SLC23A2: variants seen among roughly 807,000 people sequenced by gnomAD.
The protein encoded by SLC23A2 is solute carrier family 23 member 2.
In SLC23A2, 36 loss-of-function variants were observed where a neutral mutation model predicts 73.3. The ratio of observed to expected loss-of-function variants is 0.49; its 90% CI spans 0.38 to 0.65. SLC23A2 has a LOEUF of 0.65. SLC23A2 is among the 30% of genes least tolerant of loss of function. The pLI, the probability that SLC23A2 is intolerant of heterozygous loss-of-function variation, is 0.00. For missense variants in SLC23A2, 507 were observed against 841.6 expected (o/e 0.60, Z 4.92); for synonymous variants, 343 against 327.3 (o/e 1.05, Z -0.52).
chr20:4,985,802 A>C (rs2087816292), intron 1 of SLC23A2, among the ~76,000 whole-genome samples: 1 of 152,158 alleles, frequency 6.6e-6, no homozygotes, highest in African/African-American at 2.4e-5. Flanking sequence ...CATCTATAGA[A>C]ACAGACTGCG....
chr20:4,896,489 C>T (rs1931527877), intron 6 of SLC23A2, among the ~76,000 whole-genome samples: 1 of 152,178 alleles, frequency 6.6e-6, no homozygotes, highest in African/African-American at 2.4e-5. Context: ...CTCCCCTCCC[C>T]CATCCCAAAG....
At position 4,868,143 on chromosome 20, in the gene SLC23A2, G is replaced by C. The variant is rs1216212163; in HGVS notation, c.1251-268C>G. On this transcript the variant is annotated intron_variant, in intron 12 of 16. Coordinates refer to ENST00000338244, the MANE Select transcript of SLC23A2 (RefSeq NM_005116.6). The surrounding 1 kb of genome is among the most constrained non-coding windows in gnomAD (Gnocchi z 4.4). ...CACCTAGGCTGGAATGCAGTGACGC[G>C]ATCTTGGCTCACTGCAACCTCCACC... 7.0e-6 allele frequency among the ~76,000 whole-genome samples: 1 copy of C among 142,354 alleles called. No individual in the cohort carries two copies. Among genetic ancestry groups the C allele is most frequent in the Non-Finnish European group, 1.5e-5 (1 of 67,026 alleles). The allele number at this position is 142,354 out of a possible 152,430, so 93.4% of individuals were successfully genotyped here. A position where few individuals can be genotyped will look rare whatever the true frequency, so the allele number is the denominator to read the frequency against.
intron 2 of SLC23A2, among the ~76,000 whole-genome samples, chr20:4,942,784 T>G (rs2087063072): frequency 6.6e-6 from 1 of 152,170 alleles, no homozygotes; most frequent in African/African-American, 2.4e-5. Flanking sequence ...CCTTCTGTGT[T>G]TCTCGAAAGA....
intron 1 of SLC23A2, among the ~76,000 whole-genome samples, chr20:4,981,404 A>T (rs1468107779): frequency 6.6e-6 from 1 of 152,134 alleles, no homozygotes; most frequent in Non-Finnish European, 1.5e-5. Context: ...TAAATATCTG[A>T]ATTTTAGTTT....
In SLC23A2 at chr20:4,959,036, C is replaced by T. The variant is rs1328506619; in HGVS notation, c.-155+11757G>A. The stretch of plus-strand genomic sequence containing the variant: ...GATCAGCCTGACCAACACAGAGAAA[C>T]CCGTCTCTACTAAAAATACAAAAAA... On this transcript the variant is annotated intron_variant, in intron 2 of 16. Coordinates refer to ENST00000338244, the MANE Select transcript of SLC23A2 (RefSeq NM_005116.6). Among the ~76,000 whole-genome samples, 6 of 151,236 alleles carry T rather than the reference C, an allele frequency of 4.0e-5. No individual in the cohort carries two copies. In the East Asian group the frequency reaches 1.2e-3, roughly 29 times the overall value.
intron 3 of SLC23A2, among the ~76,000 whole-genome samples, chr20:4,918,490 C>G (rs1447824718): frequency 6.6e-6 from 1 of 152,112 alleles, no homozygotes; most frequent in Non-Finnish European, 1.5e-5. Flanking sequence ...TTACACTTGT[C>G]TTTTTGCTTG....
At chr20:4,919,700 T>A (rs114488067) in intron 3 of SLC23A2, among the ~76,000 whole-genome samples, 1 of 152,194 alleles carries the variant, frequency 6.6e-6, no homozygotes, top group Non-Finnish European at 1.5e-5. Context: ...CTGGGGATCC[T>A]GTCCCCAGAT....
At chr20:4,900,521 A>G (rs1931704992) in intron 5 of SLC23A2, among the ~76,000 whole-genome samples, 1 of 152,212 alleles carries the variant, frequency 6.6e-6, no homozygotes, top group Admixed American at 6.5e-5. Flanking sequence ...TTCTAGGTTA[A>G]TTAGTCTATT....
chr20:5,003,025 G>C (rs2088148112), upstream of SLC23A2, among the ~76,000 whole-genome samples: 1 of 152,228 alleles, frequency 6.6e-6, no homozygotes, highest in African/African-American at 2.4e-5. Flanking sequence ...GGAAAAGAAA[G>C]TGTTGGATTG....
At chr20:4,893,493 A>C (rs1931406679) in intron 6 of SLC23A2, among the ~76,000 whole-genome samples, 1 of 152,178 alleles carries the variant, frequency 6.6e-6, no homozygotes, top group African/African-American at 2.4e-5. Context: ...CATGCTTCTA[A>C]GTTTTATAAA....
At chr20:4,939,633 T>A (rs150931496) in intron 2 of SLC23A2, among the ~76,000 whole-genome samples, 50 of 152,276 alleles carry the variant, frequency 3.3e-4, no homozygotes, top group South Asian at 6.2e-4. Context: ...TAAAAATGGT[T>A]TTTACATGTT....
intron 3 of SLC23A2, among the ~76,000 whole-genome samples, chr20:4,929,464 C>T (rs1415192693): frequency 1.3e-5 from 2 of 152,032 alleles, no homozygotes; most frequent in Non-Finnish European, 2.9e-5. Context: ...GGGAAGACAA[C>T]GAGGGCTCCA....
intron 2 of SLC23A2, among the ~76,000 whole-genome samples, chr20:4,961,861 C>A (rs1429133702): frequency 6.6e-6 from 1 of 152,180 alleles, no homozygotes; most frequent in Admixed American, 6.5e-5. Flanking sequence ...TCTCATATAA[C>A]CCTGATAGGA....
intron 4 of SLC23A2, among the ~76,000 whole-genome samples, chr20:4,912,092 G>A (rs959973389): frequency 2.7e-5 from 4 of 147,196 alleles, no homozygotes; most frequent in African/African-American, 5.1e-5. Context: ...CAATCTTCCC[G>A]CCTCAGCCTC....
rs1929748541 is a variant in SLC23A2 at position 4,857,245 on chromosome 20, T to C, written c.1721-41A>G. On this transcript the variant is annotated intron_variant, in intron 16 of 16. Coordinates refer to ENST00000338244, the MANE Select transcript of SLC23A2 (RefSeq NM_005116.6). The surrounding 1 kb of genome is among the most constrained non-coding windows in gnomAD (Gnocchi z 4.0). ...AGATAGAACAAAGGAATGCTTCGTT[T>C]AGCAGCTCTACTGAAAATGAAACTG... 3 of 1,160,870 alleles carry C rather than the reference T, an allele frequency of 2.6e-6. No homozygotes were observed. The Admixed American group carries it at 6.0e-5, about 23-fold the overall frequency. The allele number at this position is 1,160,870 out of a possible 1,614,324, so 71.9% of individuals were successfully genotyped here.
intron 1 of SLC23A2, among the ~76,000 whole-genome samples, chr20:4,992,076 C>A (rs2087935077): frequency 6.6e-6 from 1 of 152,114 alleles, no homozygotes; most frequent in South Asian, 2.1e-4. Context: ...CGCCATTACA[C>A]TCAAGCCTGG....
chr20:4,981,996 C>T (rs1354583692), intron 1 of SLC23A2, among the ~76,000 whole-genome samples: 1 of 150,064 alleles, frequency 6.7e-6, no homozygotes, highest in Non-Finnish European at 1.5e-5. Context: ...CCACCGTGCC[C>T]AGCCTCTTTC....
rs111565515 is a variant in SLC23A2, at chr20:4,879,408, C to CAAAAAAAAAAAAAA, written c.824+4220_824+4233dup. Among the ~76,000 whole-genome samples the CAAAAAAAAAAAAAA allele has an allele frequency of 3.3e-3, 143 of 42,996 alleles. 5 individuals are homozygous for CAAAAAAAAAAAAAA. The highest frequency in any genetic ancestry group is 3.5e-3 in the African/African-American group (39 of 11,156). 28.2% of individuals were successfully genotyped at this position (42,996 alleles called of 152,430 possible). On this transcript the variant is annotated intron_variant, in intron 9 of 16. Coordinates refer to ENST00000338244, the MANE Select transcript of SLC23A2 (RefSeq NM_005116.6). ...GGGCAACCAGAGTAAAACTCTGTCTCAAAAAAAAAAAAAAAAAAAAAAAAA... is the reference window on the plus strand; with the variant it reads ...GGGCAACCAGAGTAAAACTCTGTCTCAAAAAAAAAAAAAAAAAAAAAAAAAAAAAAAAAAAAAAA...
chr20:4,858,728 C>T (rs878982387), intron 16 of SLC23A2, among the ~76,000 whole-genome samples: 1 of 152,144 alleles, frequency 6.6e-6, no homozygotes, highest in Non-Finnish European at 1.5e-5. Flanking sequence ...AAGCTCAGCA[C>T]AGAATGTATC....
Sources: gnomAD v4.1 joint callset for allele counts (sites outside exome capture counted in the v4.1 genomes callset) on GRCh38, gnomAD v4.1.1 for gene constraint, Gnocchi (gnomAD v3.1) non-coding constraint, MANE v1.5 for transcripts, NCBI Gene and HGNC (gene_info 2026-07-23, HGNC 2026-07-21) for gene names.